FHOD3: variants seen among roughly 807,000 people sequenced by gnomAD.
FHOD3 encodes FH1/FH2 domain-containing protein 3.
FHOD3 carries 90 observed loss-of-function variants against 173.0 expected under a neutral mutation model. The observed-to-expected ratio is 0.52, with a 90% confidence interval of 0.44 to 0.62. The LOEUF is 0.62. Among genes scored for constraint, FHOD3 ranks in the 20% least tolerant of loss-of-function variants. The probability of loss-of-function intolerance (pLI) is 0.00; values close to 1 mark genes in which losing one functional copy is unlikely to be tolerated. For synonymous variants in FHOD3, 828 were observed against 823.0 expected, an observed-to-expected ratio of 1.01 and a Z score of -0.10; for missense variants, 1,945 against 2,034.7, an observed-to-expected ratio of 0.96 and a Z score of 0.85.
chr18:36,653,305 G>C (rs762001758), intron 12 of FHOD3, 37 bp from the exon 13 acceptor site: 1 of 1,457,560 alleles, frequency 6.9e-7, no homozygotes, highest in Admixed American at 2.1e-5. Flanking sequence ...CTATCTTTCC[G>C]TGCCACATTG....
chr18:36,314,189 T>C (rs1002522148), intron 1 of FHOD3, among the ~76,000 whole-genome samples: 1 of 152,224 alleles, frequency 6.6e-6, no homozygotes, highest in African/African-American at 2.4e-5. Context: ...TATGGATGAA[T>C]TGTGAGGCAA....
chr18:36,321,062 C>T (rs751044094), intron 1 of FHOD3, among the ~76,000 whole-genome samples: 36 of 136,272 alleles, frequency 2.6e-4, no homozygotes, highest in Admixed American at 4.6e-4. Flanking sequence ...CACCTCTTCT[C>T]GAGATTTCCT....
At chr18:36,716,511 G>A (rs2040457385) in intron 18 of FHOD3, among the ~76,000 whole-genome samples, 1 of 152,234 alleles carries the variant, frequency 6.6e-6, no homozygotes, top group African/African-American at 2.4e-5. Context: ...GGTATTTTAT[G>A]GATGGCATTT....
chr18:36,476,281 G>T (rs774264081), intron 3 of FHOD3, among the ~76,000 whole-genome samples: 1 of 152,192 alleles, frequency 6.6e-6, no homozygotes, highest in Non-Finnish European at 1.5e-5. Context: ...CTGTCAGAGG[G>T]CCTGAGAAGC....
chr18:36,708,980 G>T, intron 17 of FHOD3, 115 bp from the exon 18 acceptor site: 3 of 1,281,826 alleles, frequency 2.3e-6, no homozygotes, highest in East Asian at 2.3e-5. Context: ...TCTCTTGGGG[G>T]CCATCTTTGG....
chr18:36,300,355 G>C (rs1236395698), intron 1 of FHOD3, among the ~76,000 whole-genome samples: 1 of 152,202 alleles, frequency 6.6e-6, no homozygotes, highest in African/African-American at 2.4e-5. Flanking sequence ...ACCTTCAAGG[G>C]CCAAGCACTT....
chr18:36,398,211 A>G (rs765400708), intron 3 of FHOD3, among the ~76,000 whole-genome samples: 6 of 152,192 alleles, frequency 3.9e-5, no homozygotes, highest in Non-Finnish European at 8.8e-5. Flanking sequence ...TTCTCATTAC[A>G]TTTATGCTGT....
intron 5 of FHOD3, among the ~76,000 whole-genome samples, chr18:36,552,603 A>G (rs1203946595): frequency 1.3e-5 from 2 of 149,796 alleles, no homozygotes; most frequent in African/African-American, 2.5e-5. Context: ...GGTTCATGCC[A>G]TTCTCCTGCC....
chr18:36,331,840 A>G (rs1168468306), intron 1 of FHOD3, among the ~76,000 whole-genome samples: 1 of 152,186 alleles, frequency 6.6e-6, no homozygotes, highest in Non-Finnish European at 1.5e-5. Context: ...TGGAGTGCAC[A>G]CGGATAGGAG....
At position 36,546,344 on chromosome 18, in the gene FHOD3, G is replaced by A. The variant is rs368223717; in HGVS notation, c.512-30107G>A. ...TGACTCATAGTTCCTTTTTTTTGTCGCAGTTCCTTACATGTGTACTTTAGA... is the reference window on the plus strand; with the variant it reads ...TGACTCATAGTTCCTTTTTTTTGTCACAGTTCCTTACATGTGTACTTTAGA... On this transcript the variant is annotated intron_variant, in intron 5 of 28. Coordinates refer to ENST00000590592, the MANE Select transcript of FHOD3 (RefSeq NM_001281740.3). Among the ~76,000 whole-genome samples the A allele has an allele frequency of 9.5e-4, 144 of 151,776 alleles. 1 individual carries two copies. The South Asian group carries it at 0.016, about 17-fold the overall frequency.
intron 6 of FHOD3, among the ~76,000 whole-genome samples, chr18:36,580,218 A>G (rs1170779379): frequency 6.6e-6 from 1 of 152,194 alleles, no homozygotes; most frequent in African/African-American, 2.4e-5. Flanking sequence ...GTGGTGGTTC[A>G]GGACTCTGGG....
intron 5 of FHOD3, among the ~76,000 whole-genome samples, chr18:36,535,704 A>G (rs1159022750): frequency 6.6e-6 from 1 of 152,222 alleles, no homozygotes; most frequent in Non-Finnish European, 1.5e-5. Flanking sequence ...TTAAAATATT[A>G]AAATTAATAT....
At chr18:36,735,371 G>A (rs1008053885) in intron 20 of FHOD3, among the ~76,000 whole-genome samples, 38 of 152,330 alleles carry the variant, frequency 2.5e-4, no homozygotes, top group African/African-American at 8.9e-4. Context: ...CAGGGAACCA[G>A]AATATCTTGA....
At chr18:36,737,019 C>T (rs927753594) in intron 20 of FHOD3, among the ~76,000 whole-genome samples, 1 of 152,188 alleles carries the variant, frequency 6.6e-6, no homozygotes, top group Non-Finnish European at 1.5e-5. Flanking sequence ...ATCACAGTAT[C>T]ATCTGCTCAC....
At chr18:36,430,897 T>A (rs1333860932) in intron 3 of FHOD3, among the ~76,000 whole-genome samples, 12 of 152,172 alleles carry the variant, frequency 7.9e-5, no homozygotes, top group Admixed American at 6.5e-4. Flanking sequence ...GCAGACCAAC[T>A]GGATGCCAAA....
chr18:36,501,671 T>A lies in FHOD3; in HGVS notation c.338-261T>A, dbSNP rs149928013. Reference sequence around the variant, plus strand: ...GTCAGTGATAGCCAGAGTGGATTTCTACCTGTTTGAGAGGGAATAGGCAAA... The same window carrying A: ...GTCAGTGATAGCCAGAGTGGATTTCAACCTGTTTGAGAGGGAATAGGCAAA... On this transcript the variant is annotated intron_variant, in intron 3 of 28. Transcript: ENST00000590592. Among the ~76,000 whole-genome samples the A allele has an allele frequency of 8.7e-3, 1,323 of 152,336 alleles. 13 individuals carry two copies. Among genetic ancestry groups the A allele is most frequent in the African/African-American group, 0.029 (1,226 of 41,568 alleles).
chr18:36,369,821 C>T (rs1276556540), intron 2 of FHOD3, among the ~76,000 whole-genome samples: 1 of 152,064 alleles, frequency 6.6e-6, no homozygotes, highest in African/African-American at 2.4e-5. Flanking sequence ...AAACCAGGGA[C>T]TCTTTTTATC....
chr18:36,435,226 G>T (rs192001798), intron 3 of FHOD3, among the ~76,000 whole-genome samples: 8 of 151,750 alleles, frequency 5.3e-5, no homozygotes, highest in Non-Finnish European at 1.0e-4. Context: ...GTTATACCTG[G>T]AAGTATTCAT....
At chr18:36,566,281 GTATC>G (rs1283264262) in intron 5 of FHOD3, among the ~76,000 whole-genome samples, 7 of 152,062 alleles carry the variant, frequency 4.6e-5, no homozygotes, top group African/African-American at 1.2e-4. Context: ...TATCTCTAAT[GTATC>G]TCTAAGAAAA....
Sources: allele counts gnomAD v4.1 joint callset (sites outside exome capture counted in the v4.1 genomes callset), GRCh38; gene constraint gnomAD v4.1.1; transcripts MANE v1.5; gene names NCBI Gene and HGNC (gene_info 2026-07-23, HGNC 2026-07-21).